The following PDSS2 variants were observed in gnomAD, a reference collection of about 807,000 sequenced individuals.
PDSS2 encodes the protein decaprenyl diphosphate synthase subunit 2.
Under a neutral mutation model 44.5 loss-of-function variants are expected in PDSS2, and 31 were observed. The ratio of observed to expected loss-of-function variants is 0.70; its 90% CI spans 0.52 to 0.94. The LOEUF (loss-of-function observed/expected upper bound fraction) is 0.94, where lower values mean the gene tolerates loss of function less well. Ranked by LOEUF, PDSS2 falls within the 40% of genes least tolerant of loss-of-function variation. PDSS2 has a pLI of 0.00. For synonymous variants in PDSS2, 157 were observed against 180.3 expected (o/e 0.87, Z 1.03); for missense variants, 452 against 482.2 (o/e 0.94, Z 0.59).
intron 5 of PDSS2, among the ~76,000 whole-genome samples, chr6:107,211,602 T>C (rs954112885): frequency 1.3e-5 from 2 of 151,882 alleles, no homozygotes; most frequent in African/African-American, 2.4e-5. Context: ...TGGTGGCATG[T>C]GCCTGTAATC....
At chr6:107,343,856 A>T (rs1267519106) in intron 1 of PDSS2, among the ~76,000 whole-genome samples, 1 of 152,232 alleles carries the variant, frequency 6.6e-6, no homozygotes, top group East Asian at 1.9e-4. Flanking sequence ...GAAAAACAGG[A>T]TAAGAAAAAA....
At chr6:107,259,273 AATAG>A (rs1416033657) in intron 3 of PDSS2, among the ~76,000 whole-genome samples, 2 of 152,214 alleles carry the variant, frequency 1.3e-5, no homozygotes, top group Non-Finnish European at 2.9e-5. Flanking sequence ...AGACTGAAAT[AATAG>A]ATGGATGAAT....
intron 7 of PDSS2, among the ~76,000 whole-genome samples, chr6:107,179,095 A>G (rs568724969): frequency 6.6e-6 from 1 of 152,366 alleles, no homozygotes; most frequent in East Asian, 1.9e-4. Context: ...AGTACAGCAC[A>G]TAGAAAGGTC....
intron 7 of PDSS2, among the ~76,000 whole-genome samples, chr6:107,181,405 C>T (rs544263956): frequency 1.7e-4 from 25 of 150,540 alleles, no homozygotes; most frequent in African/African-American, 5.6e-4. Flanking sequence ...TGGCAGTGGG[C>T]GCCTGTAATC....
rs1214643927 is a variant in PDSS2, at chr6:107,345,524, T to C, written c.297-11192A>G. Among the ~76,000 whole-genome samples the C allele has an allele frequency of 5.3e-5, 8 of 151,704 alleles. 1 individual carries two copies. The East Asian group carries it at 1.4e-3, about 26-fold the overall frequency. On this transcript the variant is annotated intron_variant, in intron 1 of 7. Transcript: ENST00000369037. ...CAACTGACAATTACTCATAACATAT[T>C]ATGAAGAGGCTAAAGCCAAATGTAA...
At chr6:107,448,817 C>T (rs1781771768) in intron 1 of PDSS2, among the ~76,000 whole-genome samples, 1 of 152,198 alleles carries the variant, frequency 6.6e-6, no homozygotes, top group South Asian at 2.1e-4. Context: ...CCCAGAGTTT[C>T]ACATCTTGGC....
At chr6:107,354,495 T>C (rs1251912722) in intron 1 of PDSS2, among the ~76,000 whole-genome samples, 1 of 152,264 alleles carries the variant, frequency 6.6e-6, no homozygotes, top group Non-Finnish European at 1.5e-5. Flanking sequence ...CTGTTTTAAC[T>C]GTGGTAACTT....
Position 107,322,221 on chromosome 6 carries a change from T to C in PDSS2, c.431+11977A>G, listed in dbSNP as rs1390397183. On this transcript the variant is annotated intron_variant, in intron 2 of 7. Coordinates refer to ENST00000369037, the MANE Select transcript of PDSS2 (RefSeq NM_020381.4). ...AAGAGTTAAGGATGTTTTACTCCAC[T>C]TAAAAACTTGAGGCCAGGCCAGGTG... Among the ~76,000 whole-genome samples the C allele has an allele frequency of 2.0e-5, 3 of 152,200 alleles. No individual in the cohort carries two copies. In the East Asian group the frequency reaches 5.8e-4, roughly 29 times the overall value.
intron 2 of PDSS2, among the ~76,000 whole-genome samples, chr6:107,310,919 CT>C (rs370360594): frequency 0.014 from 1,968 of 140,756 alleles, 29 homozygotes; most frequent in African/African-American, 0.041. Context: ...CAAAAATAAA[CT>C]TTTTTTTTTT....
chr6:107,390,906 T>C (rs898855560), intron 1 of PDSS2, among the ~76,000 whole-genome samples: 1 of 152,206 alleles, frequency 6.6e-6, no homozygotes, highest in African/African-American at 2.4e-5. Flanking sequence ...TAGAGAATAA[T>C]TGAGTTTGTG....
intron 1 of PDSS2, among the ~76,000 whole-genome samples, chr6:107,410,152 A>C (rs1780444171): frequency 6.6e-6 from 1 of 152,218 alleles, no homozygotes; most frequent in Non-Finnish European, 1.5e-5. Context: ...AGCCATTCAC[A>C]TTAAAAGTCT....
chr6:107,249,787 T>C (rs1384689849), intron 3 of PDSS2, among the ~76,000 whole-genome samples: 1 of 152,194 alleles, frequency 6.6e-6, no homozygotes, highest in Non-Finnish European at 1.5e-5. Flanking sequence ...GGACAGTAAA[T>C]GGACAGTGCA....
intron 1 of PDSS2, among the ~76,000 whole-genome samples, chr6:107,437,575 A>C (rs1185949841): frequency 2.7e-5 from 4 of 150,758 alleles, no homozygotes; most frequent in Non-Finnish European, 5.9e-5. Flanking sequence ...CTTGTTATAC[A>C]TGGGGGATTG....
intron 1 of PDSS2, among the ~76,000 whole-genome samples, chr6:107,368,946 T>C (rs916959855): frequency 6.6e-6 from 1 of 152,174 alleles, no homozygotes; most frequent in East Asian, 1.9e-4. Context: ...ATTGAAGTAG[T>C]GTAGTATTGG....
chr6:107,456,909 G>C (rs751294079), intron 1 of PDSS2, among the ~76,000 whole-genome samples: 1 of 149,564 alleles, frequency 6.7e-6, no homozygotes, highest in African/African-American at 2.4e-5. Context: ...ATGGACTGAG[G>C]AGTACACATT....
rs758439210 is a variant in PDSS2, at chr6:107,274,063, G to A, written c.596C>T (p.Ala199Val). The change falls in exon 3 of 8, where the codon GCC becomes GTC. Residue 199 changes from alanine to valine, a missense_variant. Coordinates refer to ENST00000369037, the MANE Select transcript of PDSS2 (RefSeq NM_020381.4). ...ILSGDFLLANACNGLALLQNT... is the reference protein window; with the variant it reads ...ILSGDFLLANVCNGLALLQNT... ...CTGTAGCAGAGCTAGTCCATTGCAGGCATTTGCTAGAAGAAAGTCTCCACT... is the reference window on the plus strand; with the variant it reads ...CTGTAGCAGAGCTAGTCCATTGCAGACATTTGCTAGAAGAAAGTCTCCACT... 9 of 1,613,998 alleles carry A rather than the reference G, an allele frequency of 5.6e-6. No homozygotes were observed. In the South Asian group the frequency reaches 8.8e-5, roughly 16 times the overall value.
intron 2 of PDSS2, among the ~76,000 whole-genome samples, chr6:107,289,040 T>C (rs1400615142): frequency 6.7e-6 from 1 of 150,078 alleles, no homozygotes; most frequent in Non-Finnish European, 1.5e-5. Context: ...GTGCTGGGAT[T>C]ACAGGCGTGA....
At chr6:107,170,155 CCT>C (rs1257793168) in intron 7 of PDSS2, among the ~76,000 whole-genome samples, 6 of 152,174 alleles carry the variant, frequency 3.9e-5, no homozygotes, top group African/African-American at 1.4e-4. Flanking sequence ...GCTTTGTTTA[CCT>C]ACTCAAGCCT....
chr6:107,235,532 C>A (rs1186711075), intron 4 of PDSS2, among the ~76,000 whole-genome samples: 6 of 152,108 alleles, frequency 3.9e-5, no homozygotes, highest in Non-Finnish European at 7.4e-5. Context: ...AAAAGTGACA[C>A]CTGAAAGAAT....
Sources: allele counts gnomAD v4.1 joint callset (sites outside exome capture counted in the v4.1 genomes callset), GRCh38; gene constraint gnomAD v4.1.1; transcripts MANE v1.5; gene names NCBI Gene and HGNC (gene_info 2026-07-23, HGNC 2026-07-21).